Variants in SH3D21 observed in about 807,000 individuals in gnomAD.
SH3D21 encodes SH3 domain-containing protein 21.
A neutral mutation model predicts 82.1 loss-of-function variants in SH3D21; 83 were observed. That is an observed-to-expected ratio of 1.01 (90% confidence interval 0.85 to 1.21). The LOEUF (loss-of-function observed/expected upper bound fraction) is 1.21, where lower values mean the gene tolerates loss of function less well. SH3D21 is among the 50% of genes most tolerant of loss of function. SH3D21 has a pLI of 0.00. For missense variants in SH3D21, 980 were observed against 962.1 expected (o/e 1.02, Z -0.25); for synonymous variants, 383 against 387.8 (o/e 0.99, Z 0.15).
intron 9 of SH3D21, 151 bp from the exon 10 acceptor site, chr1:36,309,397 A>G: frequency 1.3e-6 from 1 of 778,250 alleles, no homozygotes; most frequent in Non-Finnish European, 2.0e-6. Context: ...GGATTTTGCC[A>G]TGTTGGCCAA....
At position 36,321,229 on chromosome 1, in the gene SH3D21, G is replaced by A. The variant is rs1646457139; in HGVS notation, c.*102G>A. The stretch of plus-strand genomic sequence containing the variant: ...GAGAAAGTAAACTCTGCCTAGCACG[G>A]CGCCACGCCGGTCTGGTCGCTGGGG... On this transcript the variant is annotated 3_prime_UTR_variant, in exon 16 of 16. Transcript: ENST00000453908. This position sits in a 1 kb window ranked among gnomAD's most constrained non-coding sequence, Gnocchi z 6.1. The A allele has an allele frequency of 1.3e-6, 2 of 1,496,478 alleles. No individual in the cohort carries two copies. Among genetic ancestry groups the A allele is most frequent in the Non-Finnish European group, 1.8e-6 (2 of 1,122,626 alleles). 92.7% of individuals were successfully genotyped at this position (1,496,478 alleles called of 1,614,324 possible). A position where few individuals can be genotyped will look rare whatever the true frequency, so the allele number is the denominator to read the frequency against.
intron 10 of SH3D21, among the ~76,000 whole-genome samples, chr1:36,311,185 A>C (rs1646232615): frequency 1.3e-5 from 2 of 152,096 alleles, no homozygotes; most frequent in Admixed American, 6.6e-5. Context: ...CTAGGATTAC[A>C]AGCGTGAGCC....
At chr1:36,318,873 GGCGACAGAA>G (rs1646389667) in intron 10 of SH3D21, among the ~76,000 whole-genome samples, 189 bp from the exon 11 acceptor site, 1 of 149,608 alleles carries the variant, frequency 6.7e-6, no homozygotes, top group Non-Finnish European at 1.5e-5. Context: ...CGCACCACTG[GGCGACAGAA>G]GCAAGACTCC....
In SH3D21 at chr1:36,319,119, C is replaced by T. The variant is rs1646396910; in HGVS notation, c.818C>T (p.Thr273Ile). 6.4e-7 allele frequency: 1 copy of T among 1,551,552 alleles called. No individual in the cohort carries two copies. Among genetic ancestry groups the T allele is most frequent in the Non-Finnish European group, 8.7e-7 (1 of 1,146,918 alleles). The change falls in exon 11 of 16, where the codon ACA becomes ATA. Residue 273 changes from threonine to isoleucine, a missense_variant. Transcript: ENST00000453908. ...TTGATGCCCAAAACATCCCTCCCCA[C>T]AGTCAAGAAGCTAGCAACAGCCACC... ...KKLMPKTSLP[T>I]VKKLATATTG...
At chr1:36,313,446 A>G (rs1391063277) in intron 10 of SH3D21, among the ~76,000 whole-genome samples, 4 of 152,126 alleles carry the variant, frequency 2.6e-5, no homozygotes, top group Non-Finnish European at 4.4e-5. Flanking sequence ...TATTTTAAAC[A>G]ACTTCTTCAA....
At position 36,307,205 on chromosome 1, in the gene SH3D21, A is replaced by C. The variant is rs1646145422; in HGVS notation, c.265A>C (p.Lys89Gln). 6.4e-7 allele frequency: 1 copy of C among 1,551,678 alleles called. No individual in the cohort carries two copies. The highest frequency in any genetic ancestry group is 1.2e-5 in the South Asian group (1 of 84,074). The stretch of plus-strand genomic sequence containing the variant: ...ACACCCGAGGCCCCAAAGATGGTGC[A>C]AAGTGAACTTCAGCTACAGCCCAGA... ...AKHPRPQRWC[K>Q]VNFSYSPEQA... is the part of the protein sequence containing the mutation. The change falls in exon 4 of 16, where the codon AAA becomes CAA. Residue 89 changes from lysine (K) to glutamine (Q), a missense_variant. Coordinates refer to ENST00000453908, the MANE Select transcript of SH3D21 (RefSeq NM_001162530.2). This position sits in a 1 kb window ranked among gnomAD's most constrained non-coding sequence, Gnocchi z 5.4.
chr1:36,309,568 G>A lies in SH3D21; in HGVS notation c.747G>A (p.Arg249=). The change falls in exon 10 of 16, where the codon CGG becomes CGA. Residue 249 remains arginine, a synonymous_variant. Transcript: ENST00000453908. The stretch of plus-strand genomic sequence containing the variant: ...CATAGATCAAGAAGCTGGTCCCACG[G>A]AAAGTGGTATCTCGGGAATCAGGTG... The part of the protein sequence containing the change: ...PPPPIKKLVP[R]KVVSRESAPI... The A allele has an allele frequency of 6.4e-7, 1 of 1,551,698 alleles. No individual in the cohort carries two copies.
rs1187532640 is a variant in SH3D21, at chr1:36,319,024, G to A, written c.770-47G>A. 2.6e-6 allele frequency: 3 copies of A among 1,158,816 alleles called. No homozygotes were observed. The Admixed American group carries it at 5.9e-5, about 23-fold the overall frequency. 71.8% of individuals were successfully genotyped at this position (1,158,816 alleles called of 1,614,324 possible). A position where few individuals can be genotyped will look rare whatever the true frequency, so the allele number is the denominator to read the frequency against. On this transcript the variant is annotated intron_variant, in intron 10 of 15. Transcript: ENST00000453908. ...GTCCCCTGCACACAGCACAAGACAGGGCTAGCGACTGTCAGATGGATGAGT... is the reference window on the plus strand; with the variant it reads ...GTCCCCTGCACACAGCACAAGACAGAGCTAGCGACTGTCAGATGGATGAGT...
At chr1:36,322,376 C>G (rs369836809), downstream of SH3D21, 2 of 1,592,484 alleles carry the variant, frequency 1.3e-6, no homozygotes, top group Admixed American at 1.7e-5. Flanking sequence ...GGTCCGGCTG[C>G]CCGGTGCGCC....
At chr1:36,308,948 T>A (rs565176237) in intron 9 of SH3D21, among the ~76,000 whole-genome samples, 2 of 149,682 alleles carry the variant, frequency 1.3e-5, no homozygotes. Context: ...CAAGACTCTA[T>A]CTCAAAAAGA....
chr1:36,313,487 A>G (rs1646280072), intron 10 of SH3D21, among the ~76,000 whole-genome samples: 1 of 152,146 alleles, frequency 6.6e-6, no homozygotes, highest in Non-Finnish European at 1.5e-5. Context: ...AAGTCAGGGT[A>G]AAATTCTTGA....
chr1:36,328,655 C>T (rs1042522066), downstream of SH3D21: 1 of 164,336 alleles, frequency 6.1e-6, no homozygotes, highest in African/African-American at 2.4e-5. Flanking sequence ...ACCTATAGTT[C>T]CTGCTACTCA....
chr1:36,314,121 G>A (rs1157829177), intron 10 of SH3D21, among the ~76,000 whole-genome samples: 2 of 150,352 alleles, frequency 1.3e-5, no homozygotes, highest in Non-Finnish European at 3.0e-5. Flanking sequence ...GACTACAGGC[G>A]CCCGCCACCA....
chr1:36,315,570 A>G (rs1314757877), intron 10 of SH3D21, among the ~76,000 whole-genome samples: 1 of 152,064 alleles, frequency 6.6e-6, no homozygotes, highest in African/African-American at 2.4e-5. Context: ...GCTGGTCTCG[A>G]ACTCCTGACC....
chr1:36,328,054 G>A (rs1021211332), downstream of SH3D21: 1 of 467,794 alleles, frequency 2.1e-6, no homozygotes, highest in Non-Finnish European at 4.2e-6. Flanking sequence ...CTTATCTGCT[G>A]TCTGCTCACC....
Position 36,307,564 on chromosome 1 carries a change from C to A in SH3D21, c.393C>A (p.Ala131=). The change falls in exon 5 of 16, where the codon GCC becomes GCA. Residue 131 remains alanine, a synonymous_variant. Transcript: ENST00000453908. The surrounding 1 kb of genome is among the most constrained non-coding windows in gnomAD (Gnocchi z 5.4). ...WLGKKNGQLG[A]FPSNFVELLD... is the part of the protein sequence containing the mutation. Reference sequence around the variant, plus strand: ...GGAAGAAGAACGGGCAGCTGGGAGCCTTCCCATCCAACTTTGTGGAATTGC... The same window carrying A: ...GGAAGAAGAACGGGCAGCTGGGAGCATTCCCATCCAACTTTGTGGAATTGC... The A allele has an allele frequency of 6.4e-7, 1 of 1,551,676 alleles. No individual in the cohort carries two copies. Among genetic ancestry groups the A allele is most frequent in the Non-Finnish European group, 8.7e-7 (1 of 1,146,990 alleles).
downstream of SH3D21, chr1:36,328,190 G>C (rs944529489): frequency 4.4e-6 from 2 of 452,954 alleles, no homozygotes; most frequent in African/African-American, 4.0e-5. Context: ...ATGGAAGGTT[G>C]GGGGGCCGAG....
downstream of SH3D21, among the ~76,000 whole-genome samples, chr1:36,327,088 G>T (rs1357188869): frequency 6.6e-6 from 1 of 152,158 alleles, no homozygotes; most frequent in East Asian, 1.9e-4. Flanking sequence ...CGAGCCCATT[G>T]AGGGGTCTCC....
chr1:36,325,009 TATC>T (rs1438611025), downstream of SH3D21: 1 of 152,228 alleles, frequency 6.6e-6, no homozygotes, highest in Non-Finnish European at 1.5e-5. Flanking sequence ...CTTTTTTTCT[TATC>T]ATTATTTCCT....
Sources: gnomAD v4.1 joint callset for allele counts (sites outside exome capture counted in the v4.1 genomes callset) on GRCh38, gnomAD v4.1.1 for gene constraint, Gnocchi (gnomAD v3.1) non-coding constraint, MANE v1.5 for transcripts, NCBI Gene and HGNC (gene_info 2026-07-23, HGNC 2026-07-21) for gene names.